Variants in CTIF observed in about 807,000 individuals in gnomAD.
The protein encoded by CTIF is cap binding complex dependent translation initiation factor, also known as CBP80/20-dependent translation initiation factor.
A neutral mutation model predicts 66.0 loss-of-function variants in CTIF; 21 were observed. The ratio of observed to expected loss-of-function variants is 0.32; its 90% CI spans 0.23 to 0.46. The LOEUF (loss-of-function observed/expected upper bound fraction) is 0.46. Among genes scored for constraint, CTIF ranks in the 20% least tolerant of loss-of-function variants. CTIF has a pLI of 1.00. For missense variants in CTIF, 739 were observed against 812.7 expected, an observed-to-expected ratio of 0.91 and a Z score of 1.10; for synonymous variants, 345 against 326.4, an observed-to-expected ratio of 1.06 and a Z score of -0.62.
chr18:48,551,088 A>G (rs1704719118), intron 1 of CTIF, among the ~76,000 whole-genome samples: 1 of 150,518 alleles, frequency 6.6e-6, no homozygotes, highest in Non-Finnish European at 1.5e-5. Context: ...TAAAGAGGTA[A>G]TTAAGGTAAA....
At chr18:48,745,366 C>G (rs1459428610) in intron 7 of CTIF, among the ~76,000 whole-genome samples, 1 of 152,186 alleles carries the variant, frequency 6.6e-6, no homozygotes, top group East Asian at 1.9e-4. Context: ...TGGTGACTGC[C>G]AAGTTTCTCC....
intron 1 of CTIF, among the ~76,000 whole-genome samples, chr18:48,559,035 G>A (rs1003452152): frequency 6.6e-6 from 1 of 152,108 alleles, no homozygotes; most frequent in Non-Finnish European, 1.5e-5. Context: ...TTTTAGACTA[G>A]AATATCCTCT....
In CTIF at chr18:48,676,025, A is replaced by AC. The variant is rs1229158082; in HGVS notation, c.507+5286dup. ...CTCTGGTCTGAGACCACCCCCCGGCACCCCCTCCCCCAGGACCCCTTTACT... is the reference window on the plus strand; with the variant it reads ...CTCTGGTCTGAGACCACCCCCCGGCACCCCCCTCCCCCAGGACCCCTTTACT... On this transcript the variant is annotated intron_variant, in intron 6 of 11. Coordinates refer to ENST00000256413, the MANE Select transcript of CTIF (RefSeq NM_014772.3). 3.4e-4 allele frequency among the ~76,000 whole-genome samples: 51 copies of AC among 151,116 alleles called. 1 individual carries two copies. The highest frequency in any genetic ancestry group is 4.4e-5 in the Non-Finnish European group (3 of 67,742).
At chr18:48,676,934 A>G (rs1297187224) in intron 6 of CTIF, among the ~76,000 whole-genome samples, 7 of 152,020 alleles carry the variant, frequency 4.6e-5, no homozygotes, top group African/African-American at 1.7e-4. Flanking sequence ...ATGGTGGCCG[A>G]TAAGGAATGG....
chr18:48,555,996 C>CAGGA (rs1226607783), intron 1 of CTIF, among the ~76,000 whole-genome samples: 1 of 152,178 alleles, frequency 6.6e-6, no homozygotes, highest in East Asian at 1.9e-4. Context: ...AGGAGGCAGG[C>CAGGA]AGGACTTTCA....
chr18:48,734,064 T>TCTAA lies in CTIF; in HGVS notation c.584+22372_584+22375dup, dbSNP rs535187748. On this transcript the variant is annotated intron_variant, in intron 7 of 11. Transcript: ENST00000256413. ...AATGCCATGAGGGACGCTGTGTTCTTCTAACTCTGCTAAGCCTGCCCTGTG... is the reference window on the plus strand; with the variant it reads ...AATGCCATGAGGGACGCTGTGTTCTTCTAACTAACTCTGCTAAGCCTGCCCTGTG... Among the ~76,000 whole-genome samples, 311 of 152,354 alleles carry TCTAA rather than the reference T, an allele frequency of 2.0e-3. 2 individuals are homozygous for TCTAA. Among genetic ancestry groups the TCTAA allele is most frequent in the Middle Eastern group, 0.01 (3 of 294 alleles).
rs188941063 is a variant in CTIF, at chr18:48,580,965, G to A, written c.-28-38573G>A. Among the ~76,000 whole-genome samples, 9 of 152,326 alleles carry A rather than the reference G, an allele frequency of 5.9e-5. No individual in the cohort carries two copies. The East Asian group carries it at 1.4e-3, about 23-fold the overall frequency. ...GCCCCACCCAGCTGACACTGCTTTC[G>A]CATGTATTGCTTTCCAGAGATGAGA... On this transcript the variant is annotated intron_variant, in intron 1 of 11. Transcript: ENST00000256413.
At chr18:48,626,462 C>T (rs2090600667) in intron 2 of CTIF, among the ~76,000 whole-genome samples, 4 of 152,076 alleles carry the variant, frequency 2.6e-5, no homozygotes, top group Non-Finnish European at 2.9e-5. Flanking sequence ...ATTCTCCTGC[C>T]TCAGCCTCCC....
intron 9 of CTIF, among the ~76,000 whole-genome samples, chr18:48,784,306 G>C (rs1284710059): frequency 1.3e-5 from 2 of 152,198 alleles, no homozygotes. Flanking sequence ...ACAAAGAAAC[G>C]TGCAGAAGGG....
intron 6 of CTIF, among the ~76,000 whole-genome samples, chr18:48,703,756 C>G (rs1399075618): frequency 6.6e-6 from 1 of 152,216 alleles, no homozygotes; most frequent in Non-Finnish European, 1.5e-5. Flanking sequence ...AGCCCGGGGA[C>G]TCCCCCTCCA....
At chr18:48,786,638 A>G (rs1911736651) in intron 9 of CTIF, among the ~76,000 whole-genome samples, 2 of 152,320 alleles carry the variant, frequency 1.3e-5, no homozygotes, top group East Asian at 1.9e-4. Context: ...CAGAAACTCG[A>G]TGGAACATGG....
chr18:48,817,216 C>T lies in CTIF; in HGVS notation c.1372-5C>T. 3.7e-6 allele frequency: 6 copies of T among 1,612,760 alleles called. No individual in the cohort carries two copies. The highest frequency in any genetic ancestry group is 5.1e-6 in the Non-Finnish European group (6 of 1,179,430). ...AGGCTGACGCGGTCTCTCATGCCTC[C>T]ACAGAAGGACTTCACGGTGCGCGAG... On this transcript the variant is annotated splice_region_variant and splice_polypyrimidine_tract_variant and intron_variant, in intron 9 of 11. Coordinates refer to ENST00000256413, the MANE Select transcript of CTIF (RefSeq NM_014772.3).
chr18:48,810,062 C>A (rs2068227783), intron 9 of CTIF, among the ~76,000 whole-genome samples: 1 of 151,834 alleles, frequency 6.6e-6, no homozygotes. Context: ...ATAATGTGAT[C>A]TACATATGTA....
intron 11 of CTIF, among the ~76,000 whole-genome samples, chr18:48,858,233 G>A (rs1568274155): frequency 1.3e-5 from 2 of 152,260 alleles, no homozygotes; most frequent in East Asian, 3.8e-4. Flanking sequence ...CCTGGGCCTG[G>A]CAGCTGTCAT....
intron 1 of CTIF, among the ~76,000 whole-genome samples, chr18:48,606,867 T>C (rs144931420): frequency 6.6e-6 from 1 of 152,266 alleles, no homozygotes; most frequent in Admixed American, 6.5e-5. Context: ...AAATAATGCC[T>C]ACATTATAGG....
chr18:48,619,765 T>C lies in CTIF; in HGVS notation c.180+20T>C. 6.6e-7 allele frequency: 1 copy of C among 1,506,866 alleles called. No individual in the cohort carries two copies. Among genetic ancestry groups the C allele is most frequent in the Non-Finnish European group, 8.9e-7 (1 of 1,122,948 alleles). The allele number at this position is 1,506,866 out of a possible 1,614,324, so 93.3% of individuals were successfully genotyped here. ...TCCCAGGTGAGCGCGGGCCCGGGGT[T>C]GGGGCAGCTTGGGAAATTCAGAGGG... On this transcript the variant is annotated intron_variant, in intron 2 of 11. Coordinates refer to ENST00000256413, the MANE Select transcript of CTIF (RefSeq NM_014772.3).
In CTIF at chr18:48,589,707, A is replaced by G. The variant is rs191961221; in HGVS notation, c.-28-29831A>G. ...TGAGGTTGAAAGTTCTCAGCATTGT[A>G]TTTGTAAGACCTGTATCATTAATAA... is the stretch of plus-strand genomic sequence containing the variant. On this transcript the variant is annotated intron_variant, in intron 1 of 11. Coordinates refer to ENST00000256413, the MANE Select transcript of CTIF (RefSeq NM_014772.3). Among the ~76,000 whole-genome samples, 157 of 152,194 alleles carry G rather than the reference A, an allele frequency of 1.0e-3. 1 individual carries two copies. The highest frequency in any genetic ancestry group is 1.2e-4 in the Non-Finnish European group (8 of 68,004).
intron 9 of CTIF, among the ~76,000 whole-genome samples, chr18:48,797,993 A>G (rs1239210896): frequency 6.6e-6 from 1 of 152,156 alleles, no homozygotes; most frequent in Non-Finnish European, 1.5e-5. Context: ...GACCACAGTC[A>G]GAGTGTCTCT....
chr18:48,543,770 A>G (rs1001607287), intron 1 of CTIF, among the ~76,000 whole-genome samples: 1 of 152,184 alleles, frequency 6.6e-6, no homozygotes, highest in Non-Finnish European at 1.5e-5. Flanking sequence ...TCTTCTTTCT[A>G]TGTACCGTAA....
Sources: gnomAD v4.1 joint callset for allele counts (sites outside exome capture counted in the v4.1 genomes callset) on GRCh38, gnomAD v4.1.1 for gene constraint, MANE v1.5 for transcripts, NCBI Gene and HGNC (gene_info 2026-07-23, HGNC 2026-07-21) for gene names.